Variants in TOGARAM1 observed in about 807,000 individuals in gnomAD.
TOGARAM1 encodes TOG array regulator of axonemal microtubules 1, also known as TOG array regulator of axonemal microtubules protein 1.
A neutral mutation model predicts 166.6 loss-of-function variants in TOGARAM1; 100 were observed. The observed-to-expected ratio is 0.60, with a 90% CI of 0.51 to 0.71. The LOEUF (loss-of-function observed/expected upper bound fraction) is 0.71. Among genes scored for constraint, TOGARAM1 ranks in the 30% least tolerant of loss-of-function variants. The pLI, the probability that TOGARAM1 is intolerant of heterozygous loss-of-function variation, is 0.00. For missense variants in TOGARAM1, 2,029 were observed against 2,102.7 expected, an observed-to-expected ratio of 0.96 and a Z score of 0.69; for synonymous variants, 758 against 763.8, an observed-to-expected ratio of 0.99 and a Z score of 0.13.
At chr14:44,993,722 A>T (rs1887262607) in intron 1 of TOGARAM1, among the ~76,000 whole-genome samples, 1 of 152,244 alleles carries the variant, frequency 6.6e-6, no homozygotes, top group South Asian at 2.1e-4. Flanking sequence ...ACAATCTTCT[A>T]TAGCAAAACT....
intron 10 of TOGARAM1, among the ~76,000 whole-genome samples, chr14:45,031,783 C>A (rs1296777072): frequency 6.6e-6 from 1 of 152,038 alleles, no homozygotes; most frequent in Non-Finnish European, 1.5e-5. Context: ...TGTAATTTTC[C>A]TCAAGACTAA....
At position 44,974,984 on chromosome 14, in the gene TOGARAM1, A is replaced by G. The variant is rs551463759; in HGVS notation, c.2046+10517A>G. Among the ~76,000 whole-genome samples, 17 of 152,278 alleles carry G rather than the reference A, an allele frequency of 1.1e-4. 3 individuals are homozygous for G. Among genetic ancestry groups the G allele is most frequent in the African/African-American group, 3.4e-4 (14 of 41,570 alleles). On this transcript the variant is annotated intron_variant, in intron 1 of 19. Coordinates refer to ENST00000361462, the MANE Select transcript of TOGARAM1 (RefSeq NM_001308120.2). Reference sequence around the variant, plus strand: ...GGGGGAAGTGTTCTGTAGTGCTTTAATTACACTTTTGATGAGTGTAATTTT... The same window carrying G: ...GGGGGAAGTGTTCTGTAGTGCTTTAGTTACACTTTTGATGAGTGTAATTTT...
At position 45,006,208 on chromosome 14, in the gene TOGARAM1, A is replaced by G. The variant is rs761201465; in HGVS notation, c.2845A>G (p.Ser949Gly). ...TGATATTTGGAAGTGTGAAAAAGAT[A>G]GTCTTCCAATTGATCTTTCAGAATT... is the stretch of plus-strand genomic sequence containing the variant. ...PDDIWKCEKD[S>G]LPIDLSELNF... Residue 949 changes from serine (S) to glycine (G), a missense_variant, in exon 5 of 20, where the codon AGT becomes GGT. Ser to Gly is a moderately conservative substitution (Grantham distance 56). Coordinates refer to ENST00000361462, the MANE Select transcript of TOGARAM1 (RefSeq NM_001308120.2). The G allele has an allele frequency of 9.3e-6, 15 of 1,613,418 alleles. No individual in the cohort carries two copies. In the Admixed American group the frequency reaches 2.3e-4, roughly 25 times the overall value.
At chr14:45,043,606 C>T in intron 11 of TOGARAM1, 80 bp from the exon 12 acceptor site, 1 of 843,288 alleles carries the variant, frequency 1.2e-6, no homozygotes. Context: ...ATATTCCATA[C>T]ACAGAAAATA....
chr14:45,068,714 T>G (rs1883248426), intron 18 of TOGARAM1, 71 bp downstream of exon 18: 3 of 1,143,580 alleles, frequency 2.6e-6, no homozygotes, highest in Non-Finnish European at 3.7e-6. Context: ...CATCCATACT[T>G]TTTTTGTAAT....
Position 44,962,236 on chromosome 14 carries a change from C to A in TOGARAM1, c.-186C>A. 1 of 624,710 alleles carries A rather than the reference C, an allele frequency of 1.6e-6. No homozygotes were observed. Among genetic ancestry groups the A allele is most frequent in the Non-Finnish European group, 2.6e-6 (1 of 383,206 alleles). The allele number at this position is 624,710 out of a possible 1,614,324, so 38.7% of individuals were successfully genotyped here. On this transcript the variant is annotated 5_prime_UTR_variant, in exon 1 of 20. Coordinates refer to ENST00000361462, the MANE Select transcript of TOGARAM1 (RefSeq NM_001308120.2). ...CCGGTGGCAGCTGTGGGGTCTAGGG[C>A]TCAGACGGGGGCCATTTTGCCAGAG...
chr14:45,052,551 T>G lies in TOGARAM1; in HGVS notation c.4429T>G (p.Leu1477Val), dbSNP rs1445360759. 2.5e-6 allele frequency: 4 copies of G among 1,596,198 alleles called. No individual in the cohort carries two copies. The highest frequency in any genetic ancestry group is 1.1e-5 in the South Asian group (1 of 88,592). The change falls in exon 15 of 20, where the codon TTA (leucine) becomes GTA (valine). Residue 1477 changes from leucine (L) to valine (V), a missense_variant. By Grantham distance (32) the Leu-to-Val change is conservative (BLOSUM62 1). Around this residue, in one of 2 missense-constraint regions of TOGARAM1, gnomAD observed 576 missense variants for 670.5 expected, o/e 0.86. Coordinates refer to ENST00000361462, the MANE Select transcript of TOGARAM1 (RefSeq NM_001308120.2). ...ATATATTAAGGACTCTGTTAGAAAC[T>G]TACAGCAAAAGGTATGTGGGAAAAG... ...LPYIKDSVRN[L>V]QQKGLGEIPL...
At chr14:45,059,220 G>A (rs1383668099) in intron 16 of TOGARAM1, among the ~76,000 whole-genome samples, 1 of 152,094 alleles carries the variant, frequency 6.6e-6, no homozygotes, top group Non-Finnish European at 1.5e-5. Context: ...GACTACAGGT[G>A]CACACCACCA....
Position 45,046,803 on chromosome 14 carries a change from G to A in TOGARAM1, c.4313+100G>A, listed in dbSNP as rs573009093. The A allele has an allele frequency of 8.8e-5, 90 of 1,021,032 alleles. 1 individual carries two copies. In the South Asian group the frequency reaches 9.4e-4, roughly 11 times the overall value. The allele number at this position is 1,021,032 out of a possible 1,614,324, so 63.2% of individuals were successfully genotyped here. A position where few individuals can be genotyped will look rare whatever the true frequency, so the allele number is the denominator to read the frequency against. On this transcript the variant is annotated intron_variant, in intron 14 of 19. Transcript: ENST00000361462. ...GAAGAATGAACATTTTCTAAATGGA[G>A]AAGTGGGGTCCCAGGGATTGGTGCT...
At chr14:45,045,541 GTGTATATATATATATATATA>G (rs1328837360) in intron 13 of TOGARAM1, among the ~76,000 whole-genome samples, 11 of 50,368 alleles carry the variant, frequency 2.2e-4, no homozygotes, top group South Asian at 1.3e-3. Flanking sequence ...TGGTCTGTGT[GTGTATATATATATATATATA>G]TATATATATA....
In TOGARAM1 at chr14:45,031,760, G is replaced by A. The variant is rs564219553; in HGVS notation, c.3659-463G>A. On this transcript the variant is annotated intron_variant, in intron 10 of 19. Coordinates refer to ENST00000361462, the MANE Select transcript of TOGARAM1 (RefSeq NM_001308120.2). ...AAAAAGTAAAGTTTTCAATAGTTTT[G>A]GTTTCTGGGTACTGTAATTTTCCTC... 5.9e-5 allele frequency among the ~76,000 whole-genome samples: 9 copies of A among 152,174 alleles called. No homozygotes were observed. The South Asian group carries it at 1.9e-3, about 32-fold the overall frequency.
At position 45,041,593 on chromosome 14, in the gene TOGARAM1, A is replaced by G. The variant is rs2138944060; in HGVS notation, c.3813-2093A>G. ...CCATACAAAGACAGGAAGACTACAG[A>G]CTGATTCTTAATATAGCACAAGAAC... is the stretch of plus-strand genomic sequence containing the variant. On this transcript the variant is annotated intron_variant, in intron 11 of 19. Transcript: ENST00000361462. 1.3e-5 allele frequency among the ~76,000 whole-genome samples: 2 copies of G among 152,356 alleles called. 1 individual carries two copies. The highest frequency in any genetic ancestry group is 6.8e-3 in the Middle Eastern group (2 of 294).
intron 14 of TOGARAM1, among the ~76,000 whole-genome samples, chr14:45,047,473 G>A (rs1882129706): frequency 6.6e-6 from 1 of 151,872 alleles, no homozygotes; most frequent in African/African-American, 2.4e-5. Context: ...TCTGCAGTGT[G>A]AAAACTACAC....
Position 45,004,216 on chromosome 14 carries a change from C to G in TOGARAM1, c.2494C>G (p.Pro832Ala). Residue 832 changes from proline to alanine, a missense_variant, in exon 4 of 20, where the codon CCT (proline) becomes GCT (alanine). Physicochemically the swap from Pro to Ala is conservative, Grantham distance 27. This residue lies in a region of TOGARAM1 where 1,453 missense variants were observed against 1,432.2 expected (regional missense o/e 1.01). Transcript: ENST00000361462. ...TCGAACTAGTCCAAAGCATACATCTCCTCTTATTATATCTCCAAAGAAGTC... is the reference window on the plus strand; with the variant it reads ...TCGAACTAGTCCAAAGCATACATCTGCTCTTATTATATCTCCAAAGAAGTC... ...SPRTSPKHTS[P>A]LIISPKKSQD... The G allele has an allele frequency of 6.2e-7, 1 of 1,614,000 alleles. No homozygotes were observed. The highest frequency in any genetic ancestry group is 8.5e-7 in the Non-Finnish European group (1 of 1,179,946).
intron 1 of TOGARAM1, among the ~76,000 whole-genome samples, chr14:44,991,957 G>C (rs1343391995): frequency 6.7e-6 from 1 of 149,490 alleles, no homozygotes; most frequent in Admixed American, 6.7e-5. Flanking sequence ...AAAGTTTATA[G>C]CCAGGCATGG....
chr14:45,062,543 T>G (rs910436593), intron 16 of TOGARAM1, among the ~76,000 whole-genome samples: 1 of 152,192 alleles, frequency 6.6e-6, no homozygotes, highest in Non-Finnish European at 1.5e-5. Flanking sequence ...TGTTTTTTAG[T>G]ACACATGGTG....
In TOGARAM1 at chr14:45,049,171, C is replaced by G. The variant is rs369854519; in HGVS notation, c.4313+2468C>G. Among the ~76,000 whole-genome samples, 10 of 151,692 alleles carry G rather than the reference C, an allele frequency of 6.6e-5. No individual in the cohort carries two copies. The East Asian group carries it at 1.5e-3, about 23-fold the overall frequency. The stretch of plus-strand genomic sequence containing the variant: ...ACCACTCACATTTCTTTGCATGCAA[C>G]CCTCCTCTGTTTTTAAGCCAGCAAT... On this transcript the variant is annotated intron_variant, in intron 14 of 19. Coordinates refer to ENST00000361462, the MANE Select transcript of TOGARAM1 (RefSeq NM_001308120.2).
At chr14:45,045,159 T>C (rs1457485139) in intron 13 of TOGARAM1, among the ~76,000 whole-genome samples, 1 of 151,988 alleles carries the variant, frequency 6.6e-6, no homozygotes, top group Non-Finnish European at 1.5e-5. Context: ...CAATTATTAT[T>C]TTTTTATTAA....
chr14:45,071,471 C>A (rs561947376), intron 18 of TOGARAM1, among the ~76,000 whole-genome samples: 50 of 152,130 alleles, frequency 3.3e-4, no homozygotes, highest in African/African-American at 1.2e-3. Context: ...CTCACTGCAG[C>A]CTCAGACTCC....
Sources: allele counts gnomAD v4.1 joint callset (sites outside exome capture counted in the v4.1 genomes callset), GRCh38; gene constraint gnomAD v4.1.1; regional missense constraint gnomAD v4.1.1; transcripts MANE v1.5; gene names NCBI Gene and HGNC (gene_info 2026-07-23, HGNC 2026-07-21).